Variants in TMEM178B observed in about 807,000 individuals in gnomAD.
TMEM178B encodes transmembrane protein 178B.
A neutral mutation model predicts 31.0 loss-of-function variants in TMEM178B; 5 were observed. That is an observed-to-expected ratio of 0.16 (90% CI 0.08 to 0.34). TMEM178B has a LOEUF of 0.34. Ranked by LOEUF, TMEM178B falls within the 10% of genes least tolerant of loss-of-function variation. The pLI is 1.00. For synonymous variants in TMEM178B, 164 were observed against 164.0 expected (o/e 1.00, Z 0.00); for missense variants, 275 against 400.3 (o/e 0.69, Z 2.67).
At chr7:141,277,800 C>T (rs1182094958) in intron 2 of TMEM178B, among the ~76,000 whole-genome samples, 1 of 152,034 alleles carries the variant, frequency 6.6e-6, no homozygotes, top group Non-Finnish European at 1.5e-5. Flanking sequence ...TGTTGAGAGT[C>T]CTGGGCAAAA....
intron 1 of TMEM178B, among the ~76,000 whole-genome samples, chr7:141,109,483 C>T (rs1321833490): frequency 1.3e-5 from 2 of 152,132 alleles, no homozygotes; most frequent in African/African-American, 4.8e-5. Flanking sequence ...ACCTGATCTC[C>T]TGCTCTCACT....
chr7:141,379,558 C>G (rs899085482), intron 2 of TMEM178B, among the ~76,000 whole-genome samples: 7 of 152,176 alleles, frequency 4.6e-5, no homozygotes, highest in Admixed American at 4.6e-4. Context: ...GTCACATTAT[C>G]TTCAAAACAA....
intron 3 of TMEM178B, among the ~76,000 whole-genome samples, chr7:141,460,375 GT>G (rs1399863956): frequency 3.3e-5 from 5 of 152,164 alleles, no homozygotes; most frequent in African/African-American, 1.2e-4. Context: ...AAGGACACCT[GT>G]CAAATTTGAT....
intron 2 of TMEM178B, among the ~76,000 whole-genome samples, chr7:141,219,133 T>A (rs1403381068): frequency 6.6e-6 from 1 of 152,050 alleles, no homozygotes; most frequent in East Asian, 1.9e-4. Context: ...CTCCCAGGAG[T>A]CCCTCCCGTG....
At chr7:141,147,064 A>G (rs560040603) in intron 1 of TMEM178B, among the ~76,000 whole-genome samples, 34 of 152,168 alleles carry the variant, frequency 2.2e-4, no homozygotes, top group Non-Finnish European at 4.0e-4. Context: ...ATAAGAGTGG[A>G]TATCTACATG....
chr7:141,498,699 G>A, the TMEM178B span, among the ~76,000 whole-genome samples: 6 of 152,204 alleles, frequency 3.9e-5, no homozygotes, highest in Non-Finnish European at 8.8e-5. Context: ...ATCAGAAGAA[G>A]AGTAGTAATC....
chr7:141,362,953 T>C (rs1048373637), intron 2 of TMEM178B, among the ~76,000 whole-genome samples: 2 of 152,136 alleles, frequency 1.3e-5, no homozygotes, highest in African/African-American at 4.8e-5. Context: ...GCCGGAACCA[T>C]GGCAAAGGGA....
At chr7:141,129,731 C>G (rs1191603212) in intron 1 of TMEM178B, among the ~76,000 whole-genome samples, 1 of 152,002 alleles carries the variant, frequency 6.6e-6, no homozygotes, top group African/African-American at 2.4e-5. Context: ...AACAGGTGCC[C>G]AGGGTGGTTA....
chr7:141,229,628 T>G (rs1454092042), intron 2 of TMEM178B, among the ~76,000 whole-genome samples: 2 of 152,002 alleles, frequency 1.3e-5, no homozygotes, highest in Admixed American at 6.6e-5. Context: ...CTATAATCAA[T>G]AGGCAAATTA....
intron 2 of TMEM178B, among the ~76,000 whole-genome samples, chr7:141,320,541 C>T (rs1248359930): frequency 6.6e-6 from 1 of 152,152 alleles, no homozygotes; most frequent in Non-Finnish European, 1.5e-5. Context: ...ACCTTGGTTC[C>T]TCTTTCTGTC....
intron 2 of TMEM178B, among the ~76,000 whole-genome samples, chr7:141,359,084 T>C (rs1799872486): frequency 6.6e-6 from 1 of 152,218 alleles, no homozygotes; most frequent in Admixed American, 6.5e-5. Flanking sequence ...ATCATTTAAA[T>C]GAACTAGCCC....
chr7:141,152,689 C>T (rs1795996715), intron 1 of TMEM178B, among the ~76,000 whole-genome samples: 1 of 152,220 alleles, frequency 6.6e-6, no homozygotes, highest in Admixed American at 6.5e-5. Context: ...AGTGGGGGGC[C>T]TCCAACCCGA....
intron 1 of TMEM178B, among the ~76,000 whole-genome samples, chr7:141,076,582 G>A (rs909413308): frequency 1.3e-5 from 2 of 152,174 alleles, no homozygotes; most frequent in African/African-American, 4.8e-5. Flanking sequence ...GACTAGAAAG[G>A]TTGACTTGGT....
intron 2 of TMEM178B, among the ~76,000 whole-genome samples, chr7:141,312,317 G>T (rs1161337545): frequency 1.3e-5 from 2 of 152,172 alleles, no homozygotes; most frequent in Admixed American, 1.3e-4. Context: ...TTCTGTCTTA[G>T]TGAATGGGTT....
intron 2 of TMEM178B, among the ~76,000 whole-genome samples, chr7:141,311,673 A>AT (rs915312339): frequency 3.3e-5 from 5 of 152,056 alleles, no homozygotes; most frequent in Non-Finnish European, 7.4e-5. Context: ...TTAAAAAACT[A>AT]TTTTTTTCTG....
At chr7:141,088,819 AAAAT>A (rs1794830730) in intron 1 of TMEM178B, among the ~76,000 whole-genome samples, 1 of 152,192 alleles carries the variant, frequency 6.6e-6, no homozygotes, top group Non-Finnish European at 1.5e-5. Flanking sequence ...TTTAAGAAAA[AAAAT>A]AAACCTTAAA....
chr7:141,376,072 T>A (rs535662187), intron 2 of TMEM178B, among the ~76,000 whole-genome samples: 1 of 152,228 alleles, frequency 6.6e-6, no homozygotes, highest in African/African-American at 2.4e-5. Context: ...GCCTTCAGCA[T>A]TTGTCTCCCT....
rs60100890 is a variant in TMEM178B, at chr7:141,478,840, T to TGGGG, written c.*8059_*8062dup. ...CTTAGGTTCTTCATTAGGAGACTGA[T>TGGGG]GGGGGGGGTCCTTCCTGGTGGGTCA... On this transcript the variant is annotated 3_prime_UTR_variant, in exon 4 of 4. Coordinates refer to ENST00000565468, the MANE Select transcript of TMEM178B (RefSeq NM_001195278.2). The TGGGG allele has an allele frequency of 1.6e-3, 243 of 151,876 alleles. 1 individual carries two copies. Among genetic ancestry groups the TGGGG allele is most frequent in the African/African-American group, 5.4e-3 (221 of 41,158 alleles). 9.4% of individuals were successfully genotyped at this position (151,876 alleles called of 1,614,324 possible).
chr7:141,499,428 G>A, the TMEM178B span, among the ~76,000 whole-genome samples: 1 of 125,908 alleles, frequency 7.9e-6, no homozygotes, highest in Non-Finnish European at 1.6e-5. Flanking sequence ...AGGAGTTCAA[G>A]ACCAGCCTGG....
Sources: gnomAD v4.1 joint callset for allele counts (sites outside exome capture counted in the v4.1 genomes callset) on GRCh38, gnomAD v4.1.1 for gene constraint, MANE v1.5 for transcripts, NCBI Gene and HGNC (gene_info 2026-07-23, HGNC 2026-07-21) for gene names.